Variants in ZAN observed in about 807,000 individuals in gnomAD.
ZAN encodes the protein zonadhesin (gene/pseudogene).
A neutral mutation model predicts 286.2 loss-of-function variants in ZAN; 260 were observed. That is an observed-to-expected ratio of 0.91 (90% CI 0.82 to 1.01). The LOEUF (loss-of-function observed/expected upper bound fraction) is 1.01, where lower values mean the gene tolerates loss of function less well. ZAN is among the 50% of genes least tolerant of loss of function. The probability of loss-of-function intolerance (pLI) is 0.00; values close to 1 mark genes in which losing one functional copy is unlikely to be tolerated. For synonymous variants in ZAN, 1,368 were observed against 1,417.5 expected, an observed-to-expected ratio of 0.97 and a Z score of 0.79; for missense variants, 3,410 against 3,639.2, an observed-to-expected ratio of 0.94 and a Z score of 1.62.
rs562434212 is a variant in ZAN, at chr7:100,762,068, A to C, written c.3843-147A>C. 687 of 939,590 alleles carry C rather than the reference A, an allele frequency of 7.3e-4. 5 individuals carry two copies. Among genetic ancestry groups the C allele is most frequent in the Middle Eastern group, 3.5e-3 (12 of 3,438 alleles). 58.2% of individuals were successfully genotyped at this position (939,590 alleles called of 1,614,324 possible). A position where few individuals can be genotyped will look rare whatever the true frequency, so the allele number is the denominator to read the frequency against. The stretch of plus-strand genomic sequence containing the variant: ...GGGGAAGGAGGCTTGGGGGAGGGCC[A>C]TGGGGTCCTCTTGTCCAGTCCGCAC... On this transcript the variant is annotated intron_variant, in intron 19 of 47. Coordinates refer to ENST00000613979, the MANE Select transcript of ZAN (RefSeq NM_003386.3).
At position 100,734,108 on chromosome 7, in the gene ZAN, G is replaced by A; in HGVS notation, c.-61G>A. 1 of 1,122,018 alleles carries A rather than the reference G, an allele frequency of 8.9e-7. No individual in the cohort carries two copies. Among genetic ancestry groups the A allele is most frequent in the Non-Finnish European group, 1.3e-6 (1 of 768,334 alleles). The allele number at this position is 1,122,018 out of a possible 1,614,324, so 69.5% of individuals were successfully genotyped here. On this transcript the variant is annotated 5_prime_UTR_variant, in exon 2 of 48. Coordinates refer to ENST00000613979, the MANE Select transcript of ZAN (RefSeq NM_003386.3). ...TAAGGAGGCCAGGGGGGAATAAAAG[G>A]AGTCCAGGCTCCCAACTGTGCCCTT...
chr7:100,747,614 C>CA lies in ZAN; in HGVS notation c.998dup (p.Asn333LysfsTer27). The CA allele has an allele frequency of 6.2e-7, 1 of 1,613,788 alleles. No homozygotes were observed. The highest frequency in any genetic ancestry group is 2.2e-5 in the East Asian group (1 of 44,864). ...GGCCCAACTGGCAGGCTGTTTCTGT[C>CA]AATTACACAGCCGTGGGACGGATAC... On this transcript the variant is annotated frameshift_variant, in exon 9 of 48. Transcript: ENST00000613979. LOFTEE classifies it high-confidence loss of function.
At position 100,785,964 on chromosome 7, in the gene ZAN, C is replaced by T. The variant is rs758907436; in HGVS notation, c.6835-33C>T. ...GTGAGCCGCCGCGCCCAGCCCCCTC[C>T]TCACTCTCTTTCTCTTCCTGTAACT... is the stretch of plus-strand genomic sequence containing the variant. On this transcript the variant is annotated intron_variant, in intron 36 of 47. Coordinates refer to ENST00000613979, the MANE Select transcript of ZAN (RefSeq NM_003386.3). 1.9e-6 allele frequency: 3 copies of T among 1,597,892 alleles called. No homozygotes were observed. In the Admixed American group the frequency reaches 5.3e-5, roughly 28 times the overall value.
chr7:100,772,535 A>C lies in ZAN; in HGVS notation c.5425+515A>C, dbSNP rs538684164. On this transcript the variant is annotated intron_variant, in intron 29 of 47. Coordinates refer to ENST00000613979, the MANE Select transcript of ZAN (RefSeq NM_003386.3). ...TGCTGTTGAAGTGTACATTTAAAAA[A>C]TTGTTGCCGGGCGCGGTGGCTCATG... 1.7e-3 allele frequency among the ~76,000 whole-genome samples: 266 copies of C among 152,140 alleles called. 2 individuals are homozygous for C. Among genetic ancestry groups the C allele is most frequent in the Non-Finnish European group, 3.4e-3 (228 of 67,990 alleles).
chr7:100,746,444 C>T, intron 7 of ZAN, 94 bp from the exon 8 acceptor site: 1 of 1,478,736 alleles, frequency 6.8e-7, no homozygotes, highest in Non-Finnish European at 9.1e-7. Flanking sequence ...TGGGGATCCC[C>T]AGAGACAAGT....
At chr7:100,768,118 T>G in intron 26 of ZAN, 107 bp downstream of exon 26, 4 of 1,343,436 alleles carry the variant, frequency 3.0e-6, no homozygotes, top group Non-Finnish European at 4.0e-6. Context: ...ACTTGTCAAC[T>G]GACTAATTCG....
intron 26 of ZAN, 24 bp downstream of exon 26, chr7:100,768,035 G>A (rs762491776): frequency 6.3e-7 from 1 of 1,598,472 alleles, no homozygotes; most frequent in Non-Finnish European, 8.5e-7. Context: ...GCACCTGCGG[G>A]GAAAGCTGGG....
intron 39 of ZAN, among the ~76,000 whole-genome samples, chr7:100,790,561 CAA>C (rs71517127): frequency 4.2e-4 from 26 of 61,864 alleles, no homozygotes; most frequent in South Asian, 5.3e-4. Flanking sequence ...GACTCCATCT[CAA>C]AAAAAAAAAA....
chr7:100,788,213 A>T (rs1811703590), intron 38 of ZAN, 77 bp downstream of exon 38: 3 of 1,414,270 alleles, frequency 2.1e-6, no homozygotes, highest in Non-Finnish European at 1.9e-6. Flanking sequence ...GAAGTCAGGG[A>T]TCCCTGTTCC....
intron 18 of ZAN, 128 bp downstream of exon 18, chr7:100,759,973 G>A (rs1333477372): frequency 7.2e-7 from 1 of 1,392,332 alleles, no homozygotes; most frequent in South Asian, 1.5e-5. Context: ...CAGCTCCTTG[G>A]GAGGCTAAAG....
Position 100,755,409 on chromosome 7 carries a change from AG to A in ZAN, c.3309+1del. The A allele has an allele frequency of 6.2e-7, 1 of 1,612,468 alleles. No homozygotes were observed. The highest frequency in any genetic ancestry group is 2.2e-5 in the East Asian group (1 of 44,858). ...CNCFYNNDYY[E>X]PGAEWFSPNC... is the part of the protein sequence containing the mutation. The stretch of plus-strand genomic sequence containing the variant: ...TGCTTCTACAACAACGACTACTATG[AG>A]GTAAGCCCCCCGGGATGCTGGGGTC... On this transcript the variant is annotated frameshift_variant and splice_region_variant, in exon 15 of 48. Transcript: ENST00000613979. LOFTEE classifies it high-confidence loss of function.
In ZAN at chr7:100,797,782, A is replaced by G. The variant is rs1265560260; in HGVS notation, c.*50A>G. 5.2e-5 allele frequency: 82 copies of G among 1,583,806 alleles called. No individual in the cohort carries two copies. The highest frequency in any genetic ancestry group is 4.7e-4 in the East Asian group (20 of 42,366). ...AGACAAGAAGATTAAATAAATTTAT[A>G]TATTTATTTATTTGAGACAGGGTCT... On this transcript the variant is annotated 3_prime_UTR_variant, in exon 48 of 48. Transcript: ENST00000613979.
intron 34 of ZAN, among the ~76,000 whole-genome samples, chr7:100,777,011 C>T (rs10226460): frequency 0.36 from 53,079 of 148,368 alleles, 10,732 homozygotes; most frequent in East Asian, 0.8. Flanking sequence ...GGATTACAGG[C>T]GTGAGCCACC....
At chr7:100,784,945 G>A in intron 36 of ZAN, 111 bp downstream of exon 36, 1 of 1,251,100 alleles carries the variant, frequency 8.0e-7, no homozygotes, top group South Asian at 1.6e-5. Context: ...GCTGGCCCGG[G>A]GGTGTGAAGG....
intron 34 of ZAN, 95 bp downstream of exon 34, chr7:100,776,659 C>A: frequency 1.1e-6 from 1 of 897,336 alleles, no homozygotes; most frequent in Non-Finnish European, 1.5e-6. Context: ...CCCTCCCCTC[C>A]CCTCCCCTTC....
chr7:100,797,492 G>T (rs1408778225), intron 46 of ZAN, 27 bp downstream of exon 46: 1 of 1,613,884 alleles, frequency 6.2e-7, no homozygotes, highest in Admixed American at 1.7e-5. Flanking sequence ...AGAGAGGAAG[G>T]GCGGGTGGGG....
At chr7:100,747,987 GA>G (rs3884114) in intron 9 of ZAN, 149 bp from the exon 10 acceptor site, 62,111 of 542,032 alleles carry the variant, frequency 0.11, 43 homozygotes, top group South Asian at 0.16. Context: ...GCAAGACTCT[GA>G]AAAAAAAAAA....
rs547626742 is a variant in ZAN at position 100,742,232 on chromosome 7, C to G, written c.766+3619C>G. Among the ~76,000 whole-genome samples the G allele has an allele frequency of 1.5e-4, 18 of 117,816 alleles. 2 individuals are homozygous for G. Among genetic ancestry groups the G allele is most frequent in the South Asian group, 5.5e-4 (2 of 3,662 alleles). 77.3% of individuals were successfully genotyped at this position (117,816 alleles called of 152,430 possible). On this transcript the variant is annotated intron_variant, in intron 7 of 47. Transcript: ENST00000613979. ...AGCGCTCCTCACATCCCAGATGGGG[C>G]GGTGGGGCAGAGGTGCTCCCCACAT...
chr7:100,759,298 C>T (rs73170784), intron 17 of ZAN, among the ~76,000 whole-genome samples: 8,320 of 151,242 alleles, frequency 0.055, 312 homozygotes, highest in South Asian at 0.078. Context: ...CCCAGCTAGT[C>T]GGGAGGATGA....
Sources: allele counts gnomAD v4.1 joint callset (sites outside exome capture counted in the v4.1 genomes callset), GRCh38; gene constraint gnomAD v4.1.1; transcripts MANE v1.5; gene names NCBI Gene and HGNC (gene_info 2026-07-23, HGNC 2026-07-21).